The following CCSER1 variants were observed in gnomAD, a reference collection of about 807,000 sequenced individuals.
CCSER1 encodes serine-rich coiled-coil domain-containing protein 1.
Under a neutral mutation model 82.0 loss-of-function variants are expected in CCSER1, and 41 were observed. The observed-to-expected ratio is 0.50, with a 90% CI of 0.39 to 0.65. The LOEUF (loss-of-function observed/expected upper bound fraction) is 0.65, where lower values mean the gene tolerates loss of function less well. Among genes scored for constraint, CCSER1 ranks in the 30% least tolerant of loss-of-function variants. CCSER1 has a pLI of 0.00. For synonymous variants in CCSER1, 414 were observed against 383.9 expected (o/e 1.08, Z -0.92); for missense variants, 1,119 against 1,064.2 (o/e 1.05, Z -0.72).
chr4:91,475,440 A>G (rs899085282), intron 10 of CCSER1, among the ~76,000 whole-genome samples: 2 of 151,824 alleles, frequency 1.3e-5, no homozygotes, highest in Non-Finnish European at 3.0e-5. Flanking sequence ...TTTATTACCA[A>G]TATCCCAAAC....
At chr4:91,433,694 A>AT (rs1287515480) in intron 10 of CCSER1, among the ~76,000 whole-genome samples, 1 of 152,224 alleles carries the variant, frequency 6.6e-6, no homozygotes, top group Non-Finnish European at 1.5e-5. Context: ...GAGCATAGGT[A>AT]TGCCACAGTC....
intron 10 of CCSER1, among the ~76,000 whole-genome samples, chr4:91,291,073 A>G (rs1347183242): frequency 6.6e-6 from 1 of 151,292 alleles, no homozygotes; most frequent in Non-Finnish European, 1.5e-5. Context: ...TCTTTTATAT[A>G]TATTATTTTA....
chr4:90,603,735 A>ATT (rs1784300885), intron 5 of CCSER1, among the ~76,000 whole-genome samples: 1 of 152,180 alleles, frequency 6.6e-6, no homozygotes, highest in South Asian at 2.1e-4. Flanking sequence ...CCTATCATAC[A>ATT]TTTTGATAGA....
intron 8 of CCSER1, among the ~76,000 whole-genome samples, chr4:90,868,497 C>T (rs749930150): frequency 2.0e-5 from 3 of 152,012 alleles, no homozygotes; most frequent in Non-Finnish European, 4.4e-5. Context: ...ATGATGACCT[C>T]CAGTTCCATC....
chr4:90,420,693 T>C (rs948758772), intron 4 of CCSER1, among the ~76,000 whole-genome samples: 1 of 152,112 alleles, frequency 6.6e-6, no homozygotes, highest in Non-Finnish European at 1.5e-5. Context: ...TTATACATCC[T>C]GACCTAATTT....
intron 8 of CCSER1, among the ~76,000 whole-genome samples, chr4:90,819,791 ATTAC>A (rs1759499792): frequency 6.6e-6 from 1 of 152,342 alleles, no homozygotes; most frequent in Non-Finnish European, 1.5e-5. Flanking sequence ...ATATTTATGC[ATTAC>A]TTACCTTGGT....
chr4:91,476,365 A>G (rs1447582826), intron 10 of CCSER1, among the ~76,000 whole-genome samples: 1 of 151,522 alleles, frequency 6.6e-6, no homozygotes, highest in Admixed American at 6.6e-5. Flanking sequence ...TATGGTTTTG[A>G]TTTGCATTTC....
At chr4:91,525,688 C>T (rs964800175) in intron 10 of CCSER1, among the ~76,000 whole-genome samples, 1 of 152,084 alleles carries the variant, frequency 6.6e-6, no homozygotes, top group African/African-American at 2.4e-5. Context: ...TCATATTTGT[C>T]TCCATCTGTC....
At chr4:90,573,199 G>A (rs1002808026) in intron 5 of CCSER1, among the ~76,000 whole-genome samples, 2 of 152,252 alleles carry the variant, frequency 1.3e-5, no homozygotes, top group African/African-American at 2.4e-5. Flanking sequence ...AGCAGGCACA[G>A]TGCTGGGATG....
chr4:90,221,362 A>C (rs1156567382), intron 1 of CCSER1, among the ~76,000 whole-genome samples: 2 of 152,162 alleles, frequency 1.3e-5, no homozygotes, highest in African/African-American at 4.8e-5. Context: ...TAGGTAGACT[A>C]GATAGCTTGC....
intron 7 of CCSER1, among the ~76,000 whole-genome samples, chr4:90,731,059 T>A (rs965780889): frequency 6.6e-6 from 1 of 152,182 alleles, no homozygotes; most frequent in East Asian, 1.9e-4. Context: ...AAGGCTCCTA[T>A]AGTTGAAAGA....
At chr4:90,161,926 C>G (rs2153366886) in intron 1 of CCSER1, among the ~76,000 whole-genome samples, 1 of 152,110 alleles carries the variant, frequency 6.6e-6, no homozygotes, top group Non-Finnish European at 1.5e-5. Context: ...AAATAAAGTG[C>G]TACCTTTTGT....
chr4:91,585,051 A>T (rs779070407), intron 10 of CCSER1, among the ~76,000 whole-genome samples: 17 of 151,462 alleles, frequency 1.1e-4, no homozygotes, highest in Non-Finnish European at 2.4e-4. Context: ...CCTTCATTTG[A>T]TTTAAAATTT....
intron 5 of CCSER1, among the ~76,000 whole-genome samples, chr4:90,485,132 C>G (rs1766798058): frequency 6.6e-6 from 1 of 152,190 alleles, no homozygotes; most frequent in East Asian, 1.9e-4. Flanking sequence ...GACTGCTGTG[C>G]TAGCAATGAG....
At chr4:90,388,384 A>C (rs935307271) in intron 3 of CCSER1, among the ~76,000 whole-genome samples, 1 of 152,076 alleles carries the variant, frequency 6.6e-6, no homozygotes, top group Non-Finnish European at 1.5e-5. Flanking sequence ...ATCTCAGCTC[A>C]CTGCAACCTT....
intron 8 of CCSER1, among the ~76,000 whole-genome samples, chr4:90,919,113 AGG>A (rs1561363970): frequency 7.1e-6 from 1 of 140,318 alleles, no homozygotes; most frequent in African/African-American, 2.7e-5. Context: ...AAAAAAAAAA[AGG>A]ACTTAGTATG....
rs527693289 is a variant in CCSER1 at position 91,408,878 on chromosome 4, T to G, written c.2218-189694T>G. ...TTAGATATGATGAATTTCAGATGAG[T>G]AAACCAACCATAGTGTACTCCTGTA... On this transcript the variant is annotated intron_variant, in intron 10 of 10. Coordinates refer to ENST00000509176, the MANE Select transcript of CCSER1 (RefSeq NM_001145065.2). 8.9e-4 allele frequency among the ~76,000 whole-genome samples: 136 copies of G among 152,316 alleles called. 1 individual carries two copies. The highest frequency in any genetic ancestry group is 4.6e-3 in the South Asian group (22 of 4,830).
At chr4:90,955,400 A>G (rs977590884) in intron 9 of CCSER1, among the ~76,000 whole-genome samples, 1 of 152,184 alleles carries the variant, frequency 6.6e-6, no homozygotes, top group Non-Finnish European at 1.5e-5. Flanking sequence ...AAATCAACTG[A>G]AGGAAATTGG....
At chr4:90,823,805 T>A (rs1210098201) in intron 8 of CCSER1, among the ~76,000 whole-genome samples, 1 of 151,996 alleles carries the variant, frequency 6.6e-6, no homozygotes, top group African/African-American at 2.4e-5. Context: ...AAATGTTACA[T>A]CAAGAGCGTG....
Sources: allele counts gnomAD v4.1 joint callset (sites outside exome capture counted in the v4.1 genomes callset), GRCh38; gene constraint gnomAD v4.1.1; transcripts MANE v1.5; gene names NCBI Gene and HGNC (gene_info 2026-07-23, HGNC 2026-07-21).